FBXO16: variants seen among roughly 807,000 people sequenced by gnomAD.
The protein encoded by FBXO16 is F-box only protein 16.
A neutral mutation model predicts 41.0 loss-of-function variants in FBXO16; 31 were observed. That is an observed-to-expected ratio of 0.76 (90% confidence interval 0.57 to 1.02). The LOEUF (loss-of-function observed/expected upper bound fraction) is 1.02. Among genes scored for constraint, FBXO16 ranks in the 50% least tolerant of loss-of-function variants. The probability of loss-of-function intolerance (pLI) is 0.00; values close to 1 mark genes in which losing one functional copy is unlikely to be tolerated. For missense variants in FBXO16, 361 were observed against 346.2 expected (o/e 1.04, Z -0.34); for synonymous variants, 133 against 117.8 (o/e 1.13, Z -0.84).
chr8:28,444,701 C>T lies in FBXO16; in HGVS notation c.843+2470G>A, dbSNP rs560955464. On this transcript the variant is annotated intron_variant, in intron 7 of 8. Coordinates refer to ENST00000380254, the MANE Select transcript of FBXO16 (RefSeq NM_172366.4). ...TTCACCGTGTTAGCCAGGATGGTCT[C>T]GATCTCCTGACCTCACAATCTGCCC... 1.0e-3 allele frequency among the ~76,000 whole-genome samples: 156 copies of T among 150,236 alleles called. 1 individual carries two copies. The South Asian group carries it at 0.027, about 26-fold the overall frequency.
intron 3 of FBXO16, among the ~76,000 whole-genome samples, chr8:28,465,722 C>T (rs1803226592): frequency 6.6e-6 from 1 of 152,164 alleles, no homozygotes; most frequent in Admixed American, 6.5e-5. Flanking sequence ...ACAGAGGGGA[C>T]TTTCTTACGC....
intron 7 of FBXO16, among the ~76,000 whole-genome samples, chr8:28,432,216 G>A (rs986861625): frequency 1.4e-4 from 21 of 151,674 alleles, no homozygotes; most frequent in Admixed American, 8.6e-4. Context: ...GCTCACGCCT[G>A]TAATCCCAGC....
At chr8:28,439,994 T>C (rs1219562566) in intron 7 of FBXO16, among the ~76,000 whole-genome samples, 1 of 150,972 alleles carries the variant, frequency 6.6e-6, no homozygotes, top group Non-Finnish European at 1.5e-5. Context: ...TTTTGTATTC[T>C]GCATAAAGCC....
chr8:28,437,311 C>T (rs949936806), intron 7 of FBXO16, among the ~76,000 whole-genome samples: 5 of 152,140 alleles, frequency 3.3e-5, no homozygotes, highest in African/African-American at 1.2e-4. Context: ...TATGGATAGC[C>T]TGATGAAACA....
intron 1 of FBXO16, 152 bp from the exon 2 acceptor site, chr8:28,483,614 T>C (rs904680261): frequency 1.8e-5 from 10 of 563,904 alleles, no homozygotes; most frequent in Non-Finnish European, 3.2e-5. Context: ...AGGTCAAGGA[T>C]TCGAGACCAG....
chr8:28,451,977 G>A (rs1802960800), intron 6 of FBXO16, among the ~76,000 whole-genome samples: 1 of 131,298 alleles, frequency 7.6e-6, no homozygotes, highest in South Asian at 2.4e-4. Context: ...GTCAGAGCAA[G>A]ACTCCAGACT....
At chr8:28,477,408 G>A (rs1340125908) in intron 2 of FBXO16, among the ~76,000 whole-genome samples, 1 of 152,134 alleles carries the variant, frequency 6.6e-6, no homozygotes, top group Non-Finnish European at 1.5e-5. Flanking sequence ...CTTTCACACA[G>A]TTAGAATGTT....
chr8:28,437,084 A>T (rs1802697788), intron 7 of FBXO16, among the ~76,000 whole-genome samples: 1 of 152,250 alleles, frequency 6.6e-6, no homozygotes, highest in East Asian at 1.9e-4. Context: ...CCCAATGGTA[A>T]CAGTGACTAA....
chr8:28,428,640 C>T lies in FBXO16; in HGVS notation c.*87G>A, dbSNP rs915328890. ...CTGTGAGGATGCTGCATGAGAATTTCAGCTGTGGTGGCAGTGTCTGGGAGT... is the reference window on the plus strand; with the variant it reads ...CTGTGAGGATGCTGCATGAGAATTTTAGCTGTGGTGGCAGTGTCTGGGAGT... On this transcript the variant is annotated 3_prime_UTR_variant, in exon 9 of 9. Coordinates refer to ENST00000380254, the MANE Select transcript of FBXO16 (RefSeq NM_172366.4). 6.4e-7 allele frequency: 1 copy of T among 1,555,466 alleles called. No individual in the cohort carries two copies. Among genetic ancestry groups the T allele is most frequent in the Non-Finnish European group, 8.7e-7 (1 of 1,149,256 alleles).
intron 2 of FBXO16, among the ~76,000 whole-genome samples, chr8:28,474,352 A>AAAAAAAAAAAG (rs1563368937): frequency 2.3e-5 from 3 of 127,916 alleles, no homozygotes; most frequent in Non-Finnish European, 4.8e-5. Flanking sequence ...AAAAAAAAAA[A>AAAAAAAAAAAG]AGAGAGAGAA....
intron 7 of FBXO16, among the ~76,000 whole-genome samples, chr8:28,441,938 G>A (rs1272724688): frequency 0.077 from 10,653 of 138,994 alleles, 1,431 homozygotes; most frequent in African/African-American, 0.27. Context: ...GTGTGTGTGT[G>A]TGTGTGTATT....
At chr8:28,452,998 G>T (rs113161756) in intron 5 of FBXO16, among the ~76,000 whole-genome samples, 14 of 151,970 alleles carry the variant, frequency 9.2e-5, no homozygotes, top group African/African-American at 3.4e-4. Flanking sequence ...TCATCATCAC[G>T]ATCACCATTA....
At chr8:28,486,519 G>A (rs1406744526) in intron 1 of FBXO16, among the ~76,000 whole-genome samples, 6 of 149,890 alleles carry the variant, frequency 4.0e-5, no homozygotes, top group Admixed American at 2.0e-4. Context: ...CCACCGCCGC[G>A]CCTGGGCTAC....
chr8:28,442,446 C>T lies in FBXO16; in HGVS notation c.843+4725G>A, dbSNP rs369361424. 9.9e-5 allele frequency among the ~76,000 whole-genome samples: 15 copies of T among 152,024 alleles called. No individual in the cohort carries two copies. The East Asian group carries it at 2.5e-3, about 26-fold the overall frequency. On this transcript the variant is annotated intron_variant, in intron 7 of 8. Coordinates refer to ENST00000380254, the MANE Select transcript of FBXO16 (RefSeq NM_172366.4). ...TCGCCCAGGCTGGAGCGCAATGGTG[C>T]GATCTCAAGCCACTGTAACCTCTGC...
intron 2 of FBXO16, among the ~76,000 whole-genome samples, chr8:28,477,668 C>G (rs1290935080): frequency 6.6e-6 from 1 of 152,152 alleles, no homozygotes; most frequent in Admixed American, 6.5e-5. Flanking sequence ...AATGAAAGCT[C>G]TCTCTTCTAA....
At chr8:28,447,625 T>G in intron 6 of FBXO16, 1 of 218,250 alleles carries the variant, frequency 4.6e-6, no homozygotes, top group Non-Finnish European at 9.3e-6. Context: ...TGCCTCTATA[T>G]ATTGTGCATA....
intron 7 of FBXO16, among the ~76,000 whole-genome samples, chr8:28,432,730 C>T (rs950733377): frequency 6.6e-6 from 1 of 152,118 alleles, no homozygotes; most frequent in Non-Finnish European, 1.5e-5. Context: ...TGCCGTCCAT[C>T]AGCATTCCTA....
chr8:28,473,843 T>A, intron 2 of FBXO16, 36 bp from the exon 3 acceptor site: 1 of 1,497,274 alleles, frequency 6.7e-7, no homozygotes, highest in East Asian at 2.3e-5. Flanking sequence ...TAATTTCATA[T>A]ACCATAGTTC....
rs775879646 is a variant in FBXO16 at position 28,463,742 on chromosome 8, T to G, written c.212A>C (p.Lys71Thr). 5.0e-6 allele frequency: 8 copies of G among 1,614,220 alleles called. No individual in the cohort carries two copies. Among genetic ancestry groups the G allele is most frequent in the Middle Eastern group, 1.7e-4 (1 of 6,058 alleles). Residue 71 changes from lysine (K) to threonine (T), a missense_variant, in exon 4 of 9, where the codon AAG (lysine) becomes ACG (threonine). Coordinates refer to ENST00000380254, the MANE Select transcript of FBXO16 (RefSeq NM_172366.4). ...LLERCSLSQQKFCCRKLQEKI... is the reference protein window; with the variant it reads ...LLERCSLSQQTFCCRKLQEKI... ...CTCTTGAAGCTTTCGACAGCAGAAC[T>G]TTTGCTGGGACAGCGAGCAGCGCTC... is the stretch of plus-strand genomic sequence containing the variant.
Sources: allele counts gnomAD v4.1 joint callset (sites outside exome capture counted in the v4.1 genomes callset), GRCh38; gene constraint gnomAD v4.1.1; transcripts MANE v1.5; gene names NCBI Gene and HGNC (gene_info 2026-07-23, HGNC 2026-07-21).